PDE10A: variants seen among roughly 807,000 people sequenced by gnomAD.
PDE10A encodes phosphodiesterase 10A.
Under a neutral mutation model 97.7 loss-of-function variants are expected in PDE10A, and 39 were observed. The observed-to-expected ratio is 0.40, with a 90% CI of 0.31 to 0.52. PDE10A has a LOEUF of 0.52. PDE10A is among the 20% of genes least tolerant of loss of function. PDE10A has a pLI of 0.56. For synonymous variants in PDE10A, 371 were observed against 376.8 expected (o/e 0.98, Z 0.18); for missense variants, 731 against 1,047.8 (o/e 0.70, Z 4.17).
chr6:165,974,536 G>A (rs117443166), intron 1 of PDE10A, among the ~76,000 whole-genome samples: 152 of 152,354 alleles, frequency 1.0e-3, no homozygotes, highest in Non-Finnish European at 1.8e-3. Context: ...TGGAGAATGG[G>A]AGTTCTGGAA....
intron 1 of PDE10A, among the ~76,000 whole-genome samples, chr6:165,808,043 C>T (rs192168516): frequency 3.3e-5 from 5 of 152,268 alleles, no homozygotes; most frequent in South Asian, 4.2e-4. Context: ...GGGGGTCTTG[C>T]GGTGTGCAGC....
chr6:165,946,009 T>C (rs1783754260), intron 1 of PDE10A, among the ~76,000 whole-genome samples: 1 of 152,190 alleles, frequency 6.6e-6, no homozygotes, highest in South Asian at 2.1e-4. Flanking sequence ...AGCTTTTTAG[T>C]TTGAAGTAAT....
At chr6:165,796,011 C>A (rs2128464565) in intron 1 of PDE10A, among the ~76,000 whole-genome samples, 1 of 151,984 alleles carries the variant, frequency 6.6e-6, no homozygotes, top group Middle Eastern at 3.4e-3. Context: ...GAAGTCTTTG[C>A]TCATGAAAAG....
intron 1 of PDE10A, among the ~76,000 whole-genome samples, chr6:165,804,594 C>T (rs959356541): frequency 6.6e-6 from 1 of 152,094 alleles, no homozygotes. Flanking sequence ...TCCGAGCAGC[C>T]AAGGAGCGCC....
At chr6:165,922,776 T>C (rs1315238998) in intron 1 of PDE10A, among the ~76,000 whole-genome samples, 1 of 152,244 alleles carries the variant, frequency 6.6e-6, no homozygotes, top group Non-Finnish European at 1.5e-5. Flanking sequence ...CAGATAGATC[T>C]GCTCACAACT....
chr6:165,597,002 T>G lies in PDE10A; in HGVS notation c.866-53434A>C, dbSNP rs146937066. 9.8e-3 allele frequency among the ~76,000 whole-genome samples: 1,487 copies of G among 152,126 alleles called. 10 individuals carry two copies. Among genetic ancestry groups the G allele is most frequent in the African/African-American group, 0.013 (550 of 41,520 alleles). ...AAATTTTTGCTCAAATTTTACCTAC[T>G]TGGTGCAGCCTTCCCTGCCCATGTT... On this transcript the variant is annotated intron_variant, in intron 1 of 21. Transcript: ENST00000539869.
chr6:165,794,964 T>G (rs1446033744), intron 1 of PDE10A, among the ~76,000 whole-genome samples: 1 of 152,218 alleles, frequency 6.6e-6, no homozygotes, highest in African/African-American at 2.4e-5. Flanking sequence ...AGAAAAATAT[T>G]CAAATTATAT....
intron 1 of PDE10A, among the ~76,000 whole-genome samples, chr6:165,803,994 C>T (rs1275311580): frequency 6.6e-6 from 1 of 152,156 alleles, no homozygotes; most frequent in African/African-American, 2.4e-5. Flanking sequence ...AGTCTGGTGG[C>T]CTCTATTTTT....
intron 1 of PDE10A, among the ~76,000 whole-genome samples, chr6:165,596,191 A>T (rs1168192091): frequency 6.6e-6 from 1 of 152,116 alleles, no homozygotes; most frequent in African/African-American, 2.4e-5. Context: ...TTTCTCTCCC[A>T]CCTTATAGCT....
At chr6:165,609,761 G>C (rs1471292835) in intron 1 of PDE10A, among the ~76,000 whole-genome samples, 1 of 152,142 alleles carries the variant, frequency 6.6e-6, no homozygotes, top group African/African-American at 2.4e-5. Flanking sequence ...ATTCACAATT[G>C]CTTCAAAGAG....
chr6:165,387,025 AT>A (rs1268674679), intron 17 of PDE10A, among the ~76,000 whole-genome samples: 2 of 152,058 alleles, frequency 1.3e-5, no homozygotes, highest in Non-Finnish European at 2.9e-5. Context: ...CAAAAAAAAA[AT>A]TTCTATGTAT....
At chr6:165,629,510 A>G (rs1788533042) in intron 1 of PDE10A, among the ~76,000 whole-genome samples, 1 of 150,482 alleles carries the variant, frequency 6.6e-6, no homozygotes, top group South Asian at 2.1e-4. Flanking sequence ...GAATGAAGGA[A>G]TATTAACAAC....
At chr6:165,379,109 G>T in intron 18 of PDE10A, 85 bp downstream of exon 18, 1 of 896,886 alleles carries the variant, frequency 1.1e-6, no homozygotes. Flanking sequence ...TCAAATATAA[G>T]CTTACGCCAC....
At chr6:165,913,579 A>C (rs2128486794) in intron 1 of PDE10A, among the ~76,000 whole-genome samples, 1 of 152,174 alleles carries the variant, frequency 6.6e-6, no homozygotes, top group African/African-American at 2.4e-5. Flanking sequence ...TCTCAGTCCG[A>C]GTTTGCTTGA....
chr6:165,840,970 A>C (rs910427392), intron 1 of PDE10A, among the ~76,000 whole-genome samples: 1 of 152,210 alleles, frequency 6.6e-6, no homozygotes, highest in Non-Finnish European at 1.5e-5. Flanking sequence ...ATCTGTCTAC[A>C]TTGTCTCTTA....
chr6:165,834,220 A>T (rs1284448537), intron 1 of PDE10A, among the ~76,000 whole-genome samples: 1 of 152,192 alleles, frequency 6.6e-6, no homozygotes, highest in Non-Finnish European at 1.5e-5. Flanking sequence ...TACCCAGGTG[A>T]CACTCAGGTC....
At position 165,599,799 on chromosome 6, in the gene PDE10A, C is replaced by T. The variant is rs148673268; in HGVS notation, c.866-56231G>A. Among the ~76,000 whole-genome samples the T allele has an allele frequency of 3.1e-3, 466 of 152,306 alleles. 1 individual carries two copies. Among genetic ancestry groups the T allele is most frequent in the Non-Finnish European group, 4.8e-3 (324 of 68,016 alleles). On this transcript the variant is annotated intron_variant, in intron 1 of 21. Coordinates refer to ENST00000539869, the MANE Select transcript of PDE10A (RefSeq NM_001385079.1). ...TGACCAACAGTACAGAGCTGGTGAG[C>T]GGGCCTCCACGGCCTCCTCCACAGC...
At chr6:165,930,108 C>A (rs553550562) in intron 1 of PDE10A, among the ~76,000 whole-genome samples, 14 of 149,438 alleles carry the variant, frequency 9.4e-5, no homozygotes, top group South Asian at 2.1e-4. Context: ...ATGAGGGTGG[C>A]AGCTGGGAAA....
intron 18 of PDE10A, among the ~76,000 whole-genome samples, chr6:165,372,502 C>A (rs192402319): frequency 0.033 from 4,285 of 128,610 alleles, 147 homozygotes; most frequent in Middle Eastern, 0.055. Flanking sequence ...AATAAAATAC[C>A]TAGGAATCCA....
Sources: allele counts gnomAD v4.1 joint callset (sites outside exome capture counted in the v4.1 genomes callset), GRCh38; gene constraint gnomAD v4.1.1; transcripts MANE v1.5; gene names NCBI Gene and HGNC (gene_info 2026-07-23, HGNC 2026-07-21).